CPNE7: variants seen among roughly 807,000 people sequenced by gnomAD.
The protein encoded by CPNE7 is copine 7.
CPNE7 carries 78 observed loss-of-function variants against 66.5 expected under a neutral mutation model. The observed-to-expected ratio is 1.17, with a 90% CI of 0.98 to 1.42. CPNE7 has a LOEUF of 1.42. CPNE7 is among the 40% of genes most tolerant of loss of function. CPNE7 has a pLI of 0.00. For synonymous variants in CPNE7, 468 were observed against 336.7 expected (o/e 1.39, Z -4.27); for missense variants, 1,012 against 776.6 (o/e 1.30, Z -3.60).
At chr16:89,581,507 G>A (rs907132246) in intron 2 of CPNE7, among the ~76,000 whole-genome samples, 11 of 151,922 alleles carry the variant, frequency 7.2e-5, no homozygotes, top group African/African-American at 2.4e-4. Flanking sequence ...TAATGTCTGC[G>A]TGACTCATCC....
intron 1 of CPNE7, 21 bp from the exon 2 acceptor site, chr16:89,577,518 G>A (rs932603560): frequency 1.9e-6 from 3 of 1,550,058 alleles, no homozygotes; most frequent in Non-Finnish European, 1.7e-6. Context: ...GAGTGGGGTC[G>A]GCTCACAGGT....
rs906418689 is a variant in CPNE7 at position 89,584,603 on chromosome 16, G to C, written c.508-171G>C. On this transcript the variant is annotated intron_variant, in intron 4 of 14. Coordinates refer to ENST00000319518, the MANE Select transcript of CPNE7 (RefSeq NM_153636.3). This position sits in a 1 kb window ranked among gnomAD's most constrained non-coding sequence, Gnocchi z 6.0. ...TTGCCCGCCGTGGTCAGATCCCTGG[G>C]GGCGGGAGGGAGGGACGAGATGCTG... Among the ~76,000 whole-genome samples the C allele has an allele frequency of 1.4e-4, 21 of 152,250 alleles. No homozygotes were observed. Among genetic ancestry groups the C allele is most frequent in the Admixed American group, 9.8e-4 (15 of 15,296 alleles).
chr16:89,585,180 A>G (rs1040189271), intron 5 of CPNE7, among the ~76,000 whole-genome samples: 2 of 152,232 alleles, frequency 1.3e-5, no homozygotes, highest in African/African-American at 4.8e-5. Flanking sequence ...AACTTGAGTG[A>G]AAATGAATCT....
At chr16:89,589,299 A>G (rs1032995959) in intron 10 of CPNE7, among the ~76,000 whole-genome samples, 4 of 152,160 alleles carry the variant, frequency 2.6e-5, no homozygotes, top group African/African-American at 9.7e-5. Context: ...CTCAAAAAAA[A>G]GAGACTCTGC....
At chr16:89,581,616 A>C (rs534532659) in intron 2 of CPNE7, among the ~76,000 whole-genome samples, 1 of 152,336 alleles carries the variant, frequency 6.6e-6, no homozygotes, top group South Asian at 2.1e-4. Context: ...CAGATGGAAG[A>C]GGATGGCACG....
intron 13 of CPNE7, 31 bp downstream of exon 13, chr16:89,591,291 G>C: frequency 6.5e-7 from 1 of 1,534,636 alleles, no homozygotes; most frequent in Non-Finnish European, 8.8e-7. Context: ...GTGCATGCTT[G>C]GTGTGGGGTC....
chr16:89,587,010 G>A (rs777365917), intron 8 of CPNE7, 33 bp from the exon 9 acceptor site: 5 of 1,564,568 alleles, frequency 3.2e-6, no homozygotes, highest in Admixed American at 3.8e-5. Flanking sequence ...AGTGTCCCTG[G>A]CGGGGGTGGA....
intron 2 of CPNE7, chr16:89,578,775 A>C: frequency 7.1e-7 from 1 of 1,409,912 alleles, no homozygotes; most frequent in African/African-American, 1.5e-5. Context: ...AAAAAAAAAA[A>C]AAAGAAGCCT....
chr16:89,596,519 C>A lies in CPNE7; in HGVS notation c.1575C>A (p.Ala525=). ...SPAALAKCVL[A]EVPKQVVEYY... is the part of the protein sequence containing the mutation. Reference sequence around the variant, plus strand: ...CGGCGCTGGCCAAGTGCGTGCTGGCCGAGGTCCCGAAGCAGGTGGTGGAGT... The same window carrying A: ...CGGCGCTGGCCAAGTGCGTGCTGGCAGAGGTCCCGAAGCAGGTGGTGGAGT... Residue 525 remains alanine, a synonymous_variant, in exon 15 of 15, where the codon GCC becomes GCA. Coordinates refer to ENST00000319518, the MANE Select transcript of CPNE7 (RefSeq NM_153636.3). 6.2e-7 allele frequency: 1 copy of A among 1,610,000 alleles called. No homozygotes were observed. Among genetic ancestry groups the A allele is most frequent in the Non-Finnish European group, 8.5e-7 (1 of 1,179,768 alleles).
At chr16:89,576,171 G>A (rs1020253756) in intron 1 of CPNE7, 100 bp downstream of exon 1, 17 of 1,035,752 alleles carry the variant, frequency 1.6e-5, no homozygotes, top group Non-Finnish European at 2.0e-5. Context: ...CCAGTGGGGC[G>A]CAAGGCGGGG....
rs1430671912 is a variant in CPNE7 at position 89,587,189 on chromosome 16, CCG to C, written c.927+89_927+90del. The C allele has an allele frequency of 1.7e-5, 11 of 656,060 alleles. 2 individuals carry two copies. The Middle Eastern group carries it at 2.1e-3, about 124-fold the overall frequency. The allele number at this position is 656,060 out of a possible 1,614,324, so 40.6% of individuals were successfully genotyped here. ...CCTCAGTCCGTGGCCCCGCCCCTCC[CCG>C]CCCCCTCAGTCTGTGGCCCCGCCCA... On this transcript the variant is annotated intron_variant, in intron 9 of 14. Coordinates refer to ENST00000319518, the MANE Select transcript of CPNE7 (RefSeq NM_153636.3).
Position 89,596,669 on chromosome 16 carries a change from G to A in CPNE7, c.*48G>A. On this transcript the variant is annotated 3_prime_UTR_variant, in exon 15 of 15. Coordinates refer to ENST00000319518, the MANE Select transcript of CPNE7 (RefSeq NM_153636.3). ...GGGCAGTGAGGAATGGGTCCGTACA[G>A]CCTCTGTCTGCAACATGCTTGGGGT... The A allele has an allele frequency of 6.7e-7, 1 of 1,503,640 alleles. No individual in the cohort carries two copies. Among genetic ancestry groups the A allele is most frequent in the East Asian group, 2.4e-5 (1 of 41,276 alleles). 93.1% of individuals were successfully genotyped at this position (1,503,640 alleles called of 1,614,324 possible). A position where few individuals can be genotyped will look rare whatever the true frequency, so the allele number is the denominator to read the frequency against.
rs1190218852 is a variant in CPNE7 at position 89,584,001 on chromosome 16, C to G, written c.433-27C>G. On this transcript the variant is annotated intron_variant, in intron 3 of 14. Coordinates refer to ENST00000319518, the MANE Select transcript of CPNE7 (RefSeq NM_153636.3). This position sits in a 1 kb window ranked among gnomAD's most constrained non-coding sequence, Gnocchi z 6.0. ...TGGGGTCAGGCCCCACCTGGCCAAGCCTGGAGCCCGGGCGTCCCCCTGCCA... is the reference window on the plus strand; with the variant it reads ...TGGGGTCAGGCCCCACCTGGCCAAGGCTGGAGCCCGGGCGTCCCCCTGCCA... 19 of 1,610,202 alleles carry G rather than the reference C, an allele frequency of 1.2e-5. No homozygotes were observed. Among genetic ancestry groups the G allele is most frequent in the East Asian group, 6.7e-5 (3 of 44,828 alleles).
chr16:89,578,554 G>A (rs1301131194), intron 2 of CPNE7, among the ~76,000 whole-genome samples: 1 of 151,864 alleles, frequency 6.6e-6, no homozygotes, highest in Non-Finnish European at 1.5e-5. Flanking sequence ...GAGGTCAGGA[G>A]TTCGAGACCA....
In CPNE7 at chr16:89,584,829, A is replaced by AGGG; in HGVS notation, c.564_566dup (p.Gly189dup). The AGGG allele has an allele frequency of 6.2e-7, 1 of 1,613,614 alleles. No homozygotes were observed. Among genetic ancestry groups the AGGG allele is most frequent in the Non-Finnish European group, 8.5e-7 (1 of 1,179,944 alleles). On this transcript the variant is annotated inframe_insertion, in exon 5 of 15. Transcript: ENST00000319518. This position sits in a 1 kb window ranked among gnomAD's most constrained non-coding sequence, Gnocchi z 6.0. ...GAGCTCTACAGGGTCAACGACGACC[A>AGGG]GGGCTTGCAGCTGGTGTACAGGACG... is the stretch of plus-strand genomic sequence containing the variant.
Position 89,591,265 on chromosome 16 carries a change from G to A in CPNE7, c.1302+5G>A. On this transcript the variant is annotated splice_donor_5th_base_variant and intron_variant, in intron 13 of 14. Transcript: ENST00000319518. ...GAGAGCACCGGGAAAGCCTCTGTAG[G>A]TGCCCGGGGGGTGTGGTGCATGCTT... 4 of 1,567,944 alleles carry A rather than the reference G, an allele frequency of 2.6e-6. No individual in the cohort carries two copies. Among genetic ancestry groups the A allele is most frequent in the Non-Finnish European group, 3.5e-6 (4 of 1,157,404 alleles).
rs1305394919 is a variant in CPNE7 at position 89,587,054 on chromosome 16, G to T, written c.879G>T (p.Val293=). The T allele has an allele frequency of 1.3e-6, 2 of 1,580,670 alleles. No individual in the cohort carries two copies. Among genetic ancestry groups the T allele is most frequent in the Non-Finnish European group, 1.7e-6 (2 of 1,163,186 alleles). ...CCGCCGGCCGGAAGTTCCACAGGGT[G>T]TACTCCTTCCTGGACTATATCATGG... The part of the protein sequence containing the change: ...VVLADLKFHR[V]YSFLDYIMGG... Residue 293 remains valine (V), a synonymous_variant, in exon 9 of 15, where the codon GTG becomes GTT. Coordinates refer to ENST00000319518, the MANE Select transcript of CPNE7 (RefSeq NM_153636.3).
At chr16:89,586,642 G>A in intron 7 of CPNE7, 28 bp from the exon 8 acceptor site, 1 of 1,585,390 alleles carries the variant, frequency 6.3e-7, no homozygotes, top group Non-Finnish European at 8.7e-7. Context: ...CCACCACTCT[G>A]GGGGGCCTCT....
rs770726917 is a variant in CPNE7 at position 89,586,774 on chromosome 16, C to T, written c.867+18C>T. 4 of 1,600,622 alleles carry T rather than the reference C, an allele frequency of 2.5e-6. No individual in the cohort carries two copies. In the East Asian group the frequency reaches 6.7e-5, roughly 27 times the overall value. Reference sequence around the variant, plus strand: ...ACCTCAAGGTGAGAGGTGGCTGTGCCCGAAGCCTCCCCACCCACAAGAGGG... The same window carrying T: ...ACCTCAAGGTGAGAGGTGGCTGTGCTCGAAGCCTCCCCACCCACAAGAGGG... On this transcript the variant is annotated intron_variant, in intron 8 of 14. Coordinates refer to ENST00000319518, the MANE Select transcript of CPNE7 (RefSeq NM_153636.3).
Sources: gnomAD v4.1 joint callset for allele counts (sites outside exome capture counted in the v4.1 genomes callset) on GRCh38, gnomAD v4.1.1 for gene constraint, Gnocchi (gnomAD v3.1) non-coding constraint, MANE v1.5 for transcripts, NCBI Gene and HGNC (gene_info 2026-07-23, HGNC 2026-07-21) for gene names.